Variants in FAM184A observed in about 807,000 individuals in gnomAD.
The protein encoded by FAM184A is family with sequence similarity 184 member A, also known as protein FAM184A.
FAM184A carries 99 observed loss-of-function variants against 143.8 expected under a neutral mutation model. That is an observed-to-expected ratio of 0.69 (90% confidence interval 0.58 to 0.81). The LOEUF is 0.81. Ranked by LOEUF, FAM184A falls within the 40% of genes least tolerant of loss-of-function variation. The pLI is 0.00. For synonymous variants in FAM184A, 427 were observed against 446.4 expected, an observed-to-expected ratio of 0.96 and a Z score of 0.55; for missense variants, 1,217 against 1,310.5, an observed-to-expected ratio of 0.93 and a Z score of 1.10.
intron 1 of FAM184A, among the ~76,000 whole-genome samples, chr6:119,089,187 T>C (rs1229531564): frequency 1.6e-5 from 1 of 62,264 alleles, no homozygotes; most frequent in Non-Finnish European, 3.4e-5. Context: ...TCTCTCTCTC[T>C]TTATTTATTT....
At chr6:119,145,458 G>A (rs758639241) in intron 1 of FAM184A, among the ~76,000 whole-genome samples, 7 of 152,040 alleles carry the variant, frequency 4.6e-5, no homozygotes, top group Non-Finnish European at 8.8e-5. Context: ...GACTCAGTGA[G>A]TGCCAGGAAA....
At chr6:119,014,193 T>C (rs750877712) in intron 5 of FAM184A, among the ~76,000 whole-genome samples, 2 of 152,270 alleles carry the variant, frequency 1.3e-5, no homozygotes, top group Non-Finnish European at 2.9e-5. Flanking sequence ...ATTACTGTAG[T>C]ATGTGGTACA....
chr6:119,047,244 G>T (rs1019807385), intron 1 of FAM184A, among the ~76,000 whole-genome samples: 1 of 152,142 alleles, frequency 6.6e-6, no homozygotes, highest in African/African-American at 2.4e-5. Flanking sequence ...TGCTGGCAAG[G>T]ATATGGAGAA....
At chr6:118,996,828 C>T (rs1784576982) in intron 9 of FAM184A, among the ~76,000 whole-genome samples, 4 of 151,778 alleles carry the variant, frequency 2.6e-5, no homozygotes, top group Admixed American at 2.6e-4. Flanking sequence ...CATTCTCATG[C>T]CTCAGCCTCC....
chr6:118,974,879 T>C (rs1783801111), intron 13 of FAM184A, 145 bp downstream of exon 13: 7 of 619,930 alleles, frequency 1.1e-5, no homozygotes, highest in African/African-American at 1.9e-5. Flanking sequence ...GATTATAACA[T>C]AGTCATCAAA....
intron 1 of FAM184A, among the ~76,000 whole-genome samples, chr6:119,145,467 A>G (rs1237447289): frequency 6.6e-6 from 1 of 152,212 alleles, no homozygotes; most frequent in African/African-American, 2.4e-5. Context: ...AGTGCCAGGA[A>G]AAAAATACCA....
At chr6:119,114,443 A>G (rs1789008622) in intron 1 of FAM184A, among the ~76,000 whole-genome samples, 1 of 152,140 alleles carries the variant, frequency 6.6e-6, no homozygotes, top group Non-Finnish European at 1.5e-5. Context: ...AAAGGAATGG[A>G]CTTTCCTGCC....
At chr6:119,116,993 C>T (rs1562156990) in intron 1 of FAM184A, among the ~76,000 whole-genome samples, 1 of 152,160 alleles carries the variant, frequency 6.6e-6, no homozygotes, top group Non-Finnish European at 1.5e-5. Flanking sequence ...AACAGGAAAG[C>T]CTCCCAGACA....
At chr6:119,002,502 T>C (rs1562468351) in intron 9 of FAM184A, among the ~76,000 whole-genome samples, 2 of 152,150 alleles carry the variant, frequency 1.3e-5, no homozygotes, top group Admixed American at 6.5e-5. Context: ...AAGTAAGCTG[T>C]TCATTTTTGG....
intron 1 of FAM184A, among the ~76,000 whole-genome samples, chr6:119,093,483 A>G (rs1378271651): frequency 6.6e-6 from 1 of 152,198 alleles, no homozygotes; most frequent in African/African-American, 2.4e-5. Context: ...TTATTCCCAT[A>G]GATCTTTTCC....
chr6:118,960,354 T>A (rs572933850), intron 17 of FAM184A, among the ~76,000 whole-genome samples, 170 bp from the exon 18 acceptor site: 24 of 152,304 alleles, frequency 1.6e-4, no homozygotes, highest in Non-Finnish European at 3.4e-4. Context: ...CTCCACTCCA[T>A]GAGAGCATAA....
intron 9 of FAM184A, among the ~76,000 whole-genome samples, chr6:118,997,705 A>C (rs756066239): frequency 9.2e-5 from 14 of 152,166 alleles, no homozygotes; most frequent in Admixed American, 5.2e-4. Context: ...CAGGGGAAAA[A>C]AAAAACAAAA....
chr6:119,042,180 A>G (rs913757286), intron 1 of FAM184A, among the ~76,000 whole-genome samples: 1 of 152,220 alleles, frequency 6.6e-6, no homozygotes, highest in South Asian at 2.1e-4. Flanking sequence ...AACCGGGGGT[A>G]CATGGTAAGA....
At chr6:118,991,627 G>A (rs981361372) in intron 9 of FAM184A, among the ~76,000 whole-genome samples, 4 of 151,980 alleles carry the variant, frequency 2.6e-5, no homozygotes, top group African/African-American at 9.7e-5. Context: ...GGTTAGTGAG[G>A]GACAGTTAGC....
At chr6:119,138,975 T>A (rs1772116683) in intron 1 of FAM184A, among the ~76,000 whole-genome samples, 1 of 152,068 alleles carries the variant, frequency 6.6e-6, no homozygotes, top group African/African-American at 2.4e-5. Context: ...ACCGGAATAA[T>A]CTAAAAAACC....
intron 1 of FAM184A, among the ~76,000 whole-genome samples, chr6:119,132,198 T>C (rs2114877301): frequency 6.6e-6 from 1 of 152,344 alleles, no homozygotes; most frequent in Admixed American, 6.5e-5. Flanking sequence ...ATATTGAGTG[T>C]CAGAATATTT....
chr6:119,132,619 A>T (rs1376623669), intron 1 of FAM184A, among the ~76,000 whole-genome samples: 1 of 152,222 alleles, frequency 6.6e-6, no homozygotes, highest in African/African-American at 2.4e-5. Flanking sequence ...TTTCCCACAC[A>T]TTAGCCACCC....
intron 1 of FAM184A, among the ~76,000 whole-genome samples, chr6:119,130,734 C>T (rs1789513203): frequency 6.6e-6 from 1 of 152,174 alleles, no homozygotes. Flanking sequence ...GTCTTCGTAA[C>T]AGGTCTCTGA....
rs911080959 is a variant in FAM184A, at chr6:118,961,765, A to G, written c.3337T>C (p.Leu1113=). Residue 1113 remains leucine (L), a synonymous_variant, in exon 17 of 18, where the codon TTG becomes CTG. Coordinates refer to ENST00000338891, the MANE Select transcript of FAM184A (RefSeq NM_024581.6). ...CATTGGTGAGACGGGTCTCACCTCAAAAATGTCTTGGGCCCTTTAGGTGGC... is the reference window on the plus strand; with the variant it reads ...CATTGGTGAGACGGGTCTCACCTCAGAAATGTCTTGGGCCCTTTAGGTGGC... ...PVPPKGPKTF[L]SPAQSEASPV... 1.2e-6 allele frequency: 2 copies of G among 1,613,490 alleles called. No homozygotes were observed. Among genetic ancestry groups the G allele is most frequent in the African/African-American group, 1.3e-5 (1 of 74,882 alleles).
Sources: gnomAD v4.1 joint callset for allele counts (sites outside exome capture counted in the v4.1 genomes callset) on GRCh38, gnomAD v4.1.1 for gene constraint, MANE v1.5 for transcripts, NCBI Gene and HGNC (gene_info 2026-07-23, HGNC 2026-07-21) for gene names.